Variants in AP3S1 observed in about 807,000 individuals in gnomAD.
AP3S1 encodes the protein AP-3 complex subunit sigma-1.
A neutral mutation model predicts 21.3 loss-of-function variants in AP3S1; 12 were observed. The observed-to-expected ratio is 0.56, with a 90% CI of 0.36 to 0.91. AP3S1 has a LOEUF of 0.91. Ranked by LOEUF, AP3S1 falls within the 40% of genes least tolerant of loss-of-function variation. AP3S1 has a pLI of 0.01. For synonymous variants in AP3S1, 48 were observed against 78.4 expected, an observed-to-expected ratio of 0.61 and a Z score of 2.05; for missense variants, 116 against 225.0, an observed-to-expected ratio of 0.52 and a Z score of 3.10.
intron 2 of AP3S1, among the ~76,000 whole-genome samples, chr5:115,868,552 A>G (rs1383915243): frequency 1.3e-5 from 2 of 152,148 alleles, no homozygotes; most frequent in African/African-American, 4.8e-5. Context: ...TTGTTTCTAC[A>G]GAACTTATAA....
chr5:115,866,286 T>C (rs1346542433), intron 1 of AP3S1, among the ~76,000 whole-genome samples: 2 of 152,214 alleles, frequency 1.3e-5, no homozygotes, highest in African/African-American at 4.8e-5. Context: ...TCCATTCAAA[T>C]ATAGATTAGC....
At chr5:115,881,907 C>A (rs534722979) in intron 3 of AP3S1, among the ~76,000 whole-genome samples, 1 of 151,866 alleles carries the variant, frequency 6.6e-6, no homozygotes, top group Non-Finnish European at 1.5e-5. Flanking sequence ...CCTTTTCATT[C>A]TTTTTTCTCT....
intron 3 of AP3S1, among the ~76,000 whole-genome samples, chr5:115,884,013 T>G (rs540592835): frequency 6.6e-6 from 1 of 152,244 alleles, no homozygotes; most frequent in East Asian, 1.9e-4. Context: ...ACAATTAAAT[T>G]TCCTATAGTA....
At chr5:115,866,351 C>T (rs931604650) in intron 1 of AP3S1, among the ~76,000 whole-genome samples, 2 of 152,148 alleles carry the variant, frequency 1.3e-5, no homozygotes, top group African/African-American at 4.8e-5. Context: ...GTAAGATAAT[C>T]AGCTTTGACT....
intron 2 of AP3S1, 35 bp from the exon 3 acceptor site, chr5:115,869,982 G>T (rs746338536): frequency 7.5e-6 from 10 of 1,336,168 alleles, no homozygotes; most frequent in African/African-American, 1.5e-5. Context: ...TTCGCATTTT[G>T]TTTCCAATAA....
At chr5:115,853,927 T>G (rs1580621788) in intron 1 of AP3S1, among the ~76,000 whole-genome samples, 1 of 152,196 alleles carries the variant, frequency 6.6e-6, no homozygotes, top group East Asian at 1.9e-4. Flanking sequence ...TCTTTGTTCA[T>G]TTTTTGCTTC....
At chr5:115,844,557 G>A (rs1471894326) in intron 1 of AP3S1, among the ~76,000 whole-genome samples, 2 of 152,150 alleles carry the variant, frequency 1.3e-5, no homozygotes, top group African/African-American at 2.4e-5. Flanking sequence ...TGAGGAGAGC[G>A]CCTGTTTGAA....
At chr5:115,879,684 G>C (rs1749094445) in intron 3 of AP3S1, among the ~76,000 whole-genome samples, 1 of 152,052 alleles carries the variant, frequency 6.6e-6, no homozygotes, top group Non-Finnish European at 1.5e-5. Flanking sequence ...TCTCTCTCAG[G>C]CTCTGGTATC....
chr5:115,870,570 C>A (rs750834300), intron 3 of AP3S1, among the ~76,000 whole-genome samples: 7 of 152,182 alleles, frequency 4.6e-5, no homozygotes, highest in African/African-American at 1.7e-4. Flanking sequence ...GATGATACTA[C>A]GTGCAACCCT....
At chr5:115,868,690 T>G (rs1429377828) in intron 2 of AP3S1, among the ~76,000 whole-genome samples, 1 of 151,910 alleles carries the variant, frequency 6.6e-6, no homozygotes, top group African/African-American at 2.4e-5. Flanking sequence ...GAGACCAGCC[T>G]GGGCAACATG....
intron 5 of AP3S1, chr5:115,906,774 C>T: frequency 2.2e-6 from 3 of 1,378,426 alleles, no homozygotes; most frequent in Admixed American, 2.7e-5. Flanking sequence ...TCTTTTTTTT[C>T]CGAACATCCT....
intron 5 of AP3S1, among the ~76,000 whole-genome samples, chr5:115,909,422 G>T (rs533448212): frequency 6.6e-6 from 1 of 152,184 alleles, no homozygotes; most frequent in African/African-American, 2.4e-5. Flanking sequence ...CCTCATTTTG[G>T]TATACTTGCA....
At chr5:115,872,192 G>C (rs1008964131) in intron 3 of AP3S1, among the ~76,000 whole-genome samples, 2 of 152,114 alleles carry the variant, frequency 1.3e-5, no homozygotes, top group African/African-American at 2.4e-5. Context: ...TCACTTGGGA[G>C]GCTGAGGCGG....
At chr5:115,869,505 A>G (rs1748030052) in intron 2 of AP3S1, among the ~76,000 whole-genome samples, 1 of 152,108 alleles carries the variant, frequency 6.6e-6, no homozygotes, top group Non-Finnish European at 1.5e-5. Context: ...CTGAACATAC[A>G]TACTTTGTTC....
At chr5:115,901,848 T>G (rs1435167040) in intron 4 of AP3S1, among the ~76,000 whole-genome samples, 7 of 152,200 alleles carry the variant, frequency 4.6e-5, no homozygotes, top group Non-Finnish European at 7.3e-5. Context: ...ATTTTTTAAA[T>G]TATGAATAAA....
intron 3 of AP3S1, among the ~76,000 whole-genome samples, chr5:115,889,044 G>T (rs1750044408): frequency 6.6e-6 from 1 of 152,138 alleles, no homozygotes; most frequent in African/African-American, 2.4e-5. Context: ...CCTCAACACA[G>T]TACTGTGCTG....
At chr5:115,890,578 G>A (rs1396377211) in intron 3 of AP3S1, among the ~76,000 whole-genome samples, 1 of 152,114 alleles carries the variant, frequency 6.6e-6, no homozygotes, top group East Asian at 1.9e-4. Context: ...TGATTATACA[G>A]AAAAATTTAT....
intron 1 of AP3S1, chr5:115,842,425 C>A: frequency 3.9e-6 from 1 of 254,600 alleles, no homozygotes; most frequent in Non-Finnish European, 7.4e-6. Context: ...AGCCGCAGCC[C>A]AGCCGCGCCG....
intron 1 of AP3S1, among the ~76,000 whole-genome samples, chr5:115,850,959 A>G (rs1762398524): frequency 6.6e-6 from 1 of 152,212 alleles, no homozygotes; most frequent in Non-Finnish European, 1.5e-5. Context: ...ACTAGTTTAT[A>G]GAAATAACTT....
Sources: gnomAD v4.1 joint callset for allele counts (sites outside exome capture counted in the v4.1 genomes callset) on GRCh38, gnomAD v4.1.1 for gene constraint, MANE v1.5 for transcripts, NCBI Gene and HGNC (gene_info 2026-07-23, HGNC 2026-07-21) for gene names.